DLG5: variants seen among roughly 807,000 people sequenced by gnomAD.
The protein encoded by DLG5 is discs large MAGUK scaffold protein 5.
In DLG5, 48 loss-of-function variants were observed where a neutral mutation model predicts 189.8. That is an observed-to-expected ratio of 0.25 (90% confidence interval 0.20 to 0.32). The LOEUF is 0.32. Among genes scored for constraint, DLG5 ranks in the 10% least tolerant of loss-of-function variants. DLG5 has a pLI of 1.00. For synonymous variants in DLG5, 1,016 were observed against 1,054.1 expected (o/e 0.96, Z 0.70); for missense variants, 2,160 against 2,544.7 (o/e 0.85, Z 3.25).
chr10:77,819,869 C>G, intron 16 of DLG5, 26 bp downstream of exon 16: 1 of 1,534,570 alleles, frequency 6.5e-7, no homozygotes, highest in Non-Finnish European at 8.7e-7. Context: ...CGACCCTCAG[C>G]CCCAGCCCCT....
intron 20 of DLG5, 44 bp from the exon 21 acceptor site, chr10:77,812,421 A>G: frequency 6.3e-7 from 1 of 1,588,306 alleles, no homozygotes; most frequent in African/African-American, 1.3e-5. Context: ...GTCAAACAAA[A>G]GGGTTGGGGA....
At chr10:77,844,610 A>G (rs1843594299) in intron 5 of DLG5, among the ~76,000 whole-genome samples, 1 of 152,244 alleles carries the variant, frequency 6.6e-6, no homozygotes, top group African/African-American at 2.4e-5. Flanking sequence ...GATGCCAGAC[A>G]GGACAGAAAG....
chr10:77,800,390 GGC>G (rs1252685124), intron 27 of DLG5, among the ~76,000 whole-genome samples: 1 of 152,214 alleles, frequency 6.6e-6, no homozygotes, highest in Non-Finnish European at 1.5e-5. Context: ...ACATTCTGCA[GGC>G]CTTTCCCCCT....
intron 8 of DLG5, among the ~76,000 whole-genome samples, 164 bp from the exon 9 acceptor site, chr10:77,834,203 G>A (rs1843013545): frequency 6.6e-6 from 1 of 152,080 alleles, no homozygotes; most frequent in Admixed American, 6.5e-5. Flanking sequence ...GACCACCTAG[G>A]CCAGCCCCAG....
Position 77,811,968 on chromosome 10 carries a change from C to T in DLG5, c.4278G>A (p.Gln1426=), listed in dbSNP as rs1841797191. 1.2e-6 allele frequency: 2 copies of T among 1,609,928 alleles called. No individual in the cohort carries two copies. Among genetic ancestry groups the T allele is most frequent in the Non-Finnish European group, 1.7e-6 (2 of 1,179,984 alleles). Residue 1426 remains glutamine, a synonymous_variant, in exon 22 of 32, where the codon CAG becomes CAA. Transcript: ENST00000372391. ...TGAGCTGGTGCACGTGGGGGTTGTACTGGGCCAGGATGGTGATGGTATCAC... is the reference window on the plus strand; with the variant it reads ...TGAGCTGGTGCACGTGGGGGTTGTATTGGGCCAGGATGGTGATGGTATCAC... ...QQCDTITILA[Q]YNPHVHQLSS... is the part of the protein sequence containing the mutation.
At chr10:77,859,442 T>C (rs1192356934) in intron 2 of DLG5, among the ~76,000 whole-genome samples, 3 of 152,236 alleles carry the variant, frequency 2.0e-5, no homozygotes, top group South Asian at 4.1e-4. Flanking sequence ...GCTCCATTCA[T>C]GTAAGTGCCC....
chr10:77,852,121 C>T (rs1844006824), intron 5 of DLG5, among the ~76,000 whole-genome samples: 1 of 152,048 alleles, frequency 6.6e-6, no homozygotes, highest in Admixed American at 6.6e-5. Flanking sequence ...ACCTGTAATC[C>T]CAGCACTTTG....
chr10:77,835,753 T>C lies in DLG5; in HGVS notation c.1607A>G (p.Glu536Gly). The C allele has an allele frequency of 6.2e-7, 1 of 1,612,242 alleles. No individual in the cohort carries two copies. Residue 536 changes from glutamate to glycine, a missense_variant, in exon 8 of 32, where the codon GAG (glutamate) becomes GGG (glycine). Physicochemically the swap from Glu to Gly is moderately conservative, Grantham distance 98. This residue lies in a region of DLG5 where 664 missense variants were observed against 838.5 expected (regional missense o/e 0.79). Transcript: ENST00000372391. ...CACCCCATACCGGATGCTGTCACGC[T>C]CTGCTACAATCTTGTCTCGCTCCTG... ...AFQERDKIVA[E>G]RDSIRTLCDN...
intron 2 of DLG5, among the ~76,000 whole-genome samples, chr10:77,862,499 T>C (rs901425038): frequency 2.6e-5 from 4 of 152,234 alleles, no homozygotes; most frequent in Non-Finnish European, 5.9e-5. Flanking sequence ...TCTCAAACAC[T>C]GCTGATGAGA....
chr10:77,840,489 G>A (rs986495783), intron 7 of DLG5, among the ~76,000 whole-genome samples: 5 of 150,704 alleles, frequency 3.3e-5, no homozygotes, highest in Non-Finnish European at 5.9e-5. Flanking sequence ...AGGCCGAGGC[G>A]GAAGGATCGC....
the DLG5 span, among the ~76,000 whole-genome samples, chr10:77,937,905 A>T: frequency 7.7e-6 from 1 of 130,536 alleles, no homozygotes. Context: ...TTTAGTAGAG[A>T]TGAGGTTTCA....
Position 77,805,881 on chromosome 10 carries a change from G to A in DLG5, c.4968-20C>T. 6.3e-7 allele frequency: 1 copy of A among 1,594,192 alleles called. No individual in the cohort carries two copies. The highest frequency in any genetic ancestry group is 8.6e-7 in the Non-Finnish European group (1 of 1,166,096). ...TCCATCCTGTGGCACAGGGGACAAT[G>A]CTGGGCAGGGCCATCGAGACCCTGC... On this transcript the variant is annotated intron_variant, in intron 26 of 31. Transcript: ENST00000372391.
chr10:77,886,857 T>C (rs963860586), intron 1 of DLG5, among the ~76,000 whole-genome samples: 3 of 152,070 alleles, frequency 2.0e-5, no homozygotes, highest in East Asian at 1.9e-4. Flanking sequence ...GACACAGACA[T>C]GCACAGAAGG....
chr10:77,821,133 G>C lies in DLG5; in HGVS notation c.3351C>G (p.Pro1117=). Residue 1117 remains proline, a synonymous_variant, in exon 15 of 32, where the codon CCC becomes CCG. Coordinates refer to ENST00000372391, the MANE Select transcript of DLG5 (RefSeq NM_004747.4). The stretch of plus-strand genomic sequence containing the variant: ...CTGGAGCAAGCTTCGGCCGAAAACT[G>C]GGAGCAGATTTTGGCCGGCGACGCT... The part of the protein sequence containing the change: ...GQKRRRPKSA[P]SFRPKLAPVV... The C allele has an allele frequency of 6.2e-7, 1 of 1,614,120 alleles. No individual in the cohort carries two copies. The highest frequency in any genetic ancestry group is 2.2e-5 in the East Asian group (1 of 44,880).
intron 1 of DLG5, among the ~76,000 whole-genome samples, chr10:77,912,887 C>G (rs1435304418): frequency 2.0e-5 from 3 of 152,116 alleles, no homozygotes; most frequent in Admixed American, 2.0e-4. Flanking sequence ...CAAAAGCAAG[C>G]AGACCAGTGG....
At chr10:77,920,022 C>T (rs751061911) in intron 1 of DLG5, among the ~76,000 whole-genome samples, 6 of 152,190 alleles carry the variant, frequency 3.9e-5, no homozygotes, top group Admixed American at 6.6e-5. Context: ...TTGTACTAGG[C>T]TCTATTCTGG....
chr10:77,823,577 C>A (rs1051059517), intron 14 of DLG5, among the ~76,000 whole-genome samples: 2 of 149,464 alleles, frequency 1.3e-5, no homozygotes, highest in Non-Finnish European at 2.9e-5. Context: ...ATTGCCCAGG[C>A]TGGAGTGCAA....
At chr10:77,840,311 C>T (rs574771931) in intron 7 of DLG5, among the ~76,000 whole-genome samples, 133 of 151,900 alleles carry the variant, frequency 8.8e-4, no homozygotes, top group Non-Finnish European at 1.4e-3. Context: ...CCCAAGAGGT[C>T]GAGATTACAG....
intron 1 of DLG5, among the ~76,000 whole-genome samples, chr10:77,891,944 CCT>C (rs2154577645): frequency 6.6e-6 from 1 of 152,342 alleles, no homozygotes; most frequent in South Asian, 2.1e-4. Context: ...CAGCCCTGCC[CCT>C]CTCTCAGACT....
Sources: allele counts gnomAD v4.1 joint callset (sites outside exome capture counted in the v4.1 genomes callset), GRCh38; gene constraint gnomAD v4.1.1; regional missense constraint gnomAD v4.1.1; transcripts MANE v1.5; gene names NCBI Gene and HGNC (gene_info 2026-07-23, HGNC 2026-07-21).